UBR1: variants seen among roughly 807,000 people sequenced by gnomAD.
UBR1 encodes the protein E3 ubiquitin-protein ligase UBR1.
UBR1 carries 102 observed loss-of-function variants against 242.1 expected under a neutral mutation model. That is an observed-to-expected ratio of 0.42 (90% CI 0.36 to 0.50). UBR1 has a LOEUF of 0.50. Among genes scored for constraint, UBR1 ranks in the 20% least tolerant of loss-of-function variants. UBR1 has a pLI of 0.01. For missense variants in UBR1, 1,772 were observed against 2,101.8 expected (o/e 0.84, Z 3.07); for synonymous variants, 675 against 684.8 (o/e 0.99, Z 0.22).
chr15:43,059,610 ACT>A, intron 8 of UBR1, 90 bp downstream of exon 8: 2 of 1,420,166 alleles, frequency 1.4e-6, no homozygotes, highest in Non-Finnish European at 9.6e-7. Flanking sequence ...AAAAAGAAAA[ACT>A]TTATTTCATA....
intron 34 of UBR1, 36 bp downstream of exon 34, chr15:42,989,994 C>A (rs1282540988): frequency 6.8e-7 from 1 of 1,469,700 alleles, no homozygotes; most frequent in South Asian, 1.2e-5. Context: ...TTTTCACAAT[C>A]ATTTACAAAG....
rs2032187921 is a variant in UBR1 at position 42,970,562 on chromosome 15, G to C, written c.4415C>G (p.Ser1472Cys). ...AATTTCTGCAAAGAAAGAAGATGCG[G>C]AATGAGCCTCTTCACTGTCTTCTTG... ...QVQEDSEEAH[S>C]ASSFFAEISQ... is the part of the protein sequence containing the mutation. The change falls in exon 40 of 47, where the codon TCC becomes TGC. Residue 1472 changes from serine (S) to cysteine (C), a missense_variant. Ser to Cys is a moderately radical substitution (Grantham distance 112, BLOSUM62 -1). This residue lies in a region of UBR1 where 965 missense variants were observed against 1,079.7 expected (regional missense o/e 0.89). Transcript: ENST00000290650. 2 of 1,613,798 alleles carry C rather than the reference G, an allele frequency of 1.2e-6. No individual in the cohort carries two copies. The highest frequency in any genetic ancestry group is 1.7e-6 in the Non-Finnish European group (2 of 1,180,010).
Position 42,977,963 on chromosome 15 carries a change from A to T in UBR1, c.4151-16T>A, listed in dbSNP as rs752507146. 9 of 1,601,406 alleles carry T rather than the reference A, an allele frequency of 5.6e-6. No homozygotes were observed. Reference sequence around the variant, plus strand: ...GGAAGAACAACTAAAACAAACAAAAAGTTAATGTAATTCAGTCAGTAAGAT... The same window carrying T: ...GGAAGAACAACTAAAACAAACAAAATGTTAATGTAATTCAGTCAGTAAGAT... On this transcript the variant is annotated splice_polypyrimidine_tract_variant and intron_variant, in intron 37 of 46. Coordinates refer to ENST00000290650, the MANE Select transcript of UBR1 (RefSeq NM_174916.3).
intron 21 of UBR1, 57 bp from the exon 22 acceptor site, chr15:43,027,885 G>A (rs1464293087): frequency 7.4e-7 from 1 of 1,350,092 alleles, no homozygotes; most frequent in African/African-American, 1.4e-5. Flanking sequence ...CCACCTCTCT[G>A]TGAAGTGAAA....
At chr15:43,054,980 C>A in intron 11 of UBR1, 81 bp from the exon 12 acceptor site, 1 of 1,461,648 alleles carries the variant, frequency 6.8e-7, no homozygotes, top group Non-Finnish European at 9.5e-7. Flanking sequence ...TTTGGTTAGT[C>A]AGTATGTCAT....
chr15:43,003,850 C>T lies in UBR1; in HGVS notation c.3496G>A (p.Val1166Met), dbSNP rs772442007. The change falls in exon 31 of 47, where the codon GTG (valine) becomes ATG (methionine). Residue 1166 changes from valine (V) to methionine (M), a missense_variant. Physicochemically the swap from Val to Met is conservative, Grantham distance 21. Transcript: ENST00000290650. ...TGSCGHVMHA[V>M]CWQKYFEAVQ... ...AGGACAACTTACTTCTGCCAGCACACTGCGTGCATTACATGACCACAGCTT... is the reference window on the plus strand; with the variant it reads ...AGGACAACTTACTTCTGCCAGCACATTGCGTGCATTACATGACCACAGCTT... The T allele has an allele frequency of 3.7e-6, 6 of 1,614,116 alleles. No homozygotes were observed. Among genetic ancestry groups the T allele is most frequent in the Non-Finnish European group, 5.1e-6 (6 of 1,180,016 alleles).
intron 6 of UBR1, among the ~76,000 whole-genome samples, chr15:43,064,680 A>T (rs1596126599): frequency 6.6e-6 from 1 of 151,608 alleles, no homozygotes; most frequent in Non-Finnish European, 1.5e-5. Context: ...AGGTTCAAAC[A>T]ATTCTCCTGC....
At chr15:42,996,212 C>A (rs2032635789) in intron 33 of UBR1, among the ~76,000 whole-genome samples, 2 of 152,148 alleles carry the variant, frequency 1.3e-5, no homozygotes, top group African/African-American at 4.8e-5. Flanking sequence ...ACTATAAAAT[C>A]TGGCTGTTAA....
Position 43,008,715 on chromosome 15 carries a change from C to T in UBR1, c.3210-1431G>A, listed in dbSNP as rs1596098539. Among the ~76,000 whole-genome samples, 6 of 152,330 alleles carry T rather than the reference C, an allele frequency of 3.9e-5. No individual in the cohort carries two copies. The South Asian group carries it at 1.0e-3, about 26-fold the overall frequency. ...GCTTTCTCCGGGTCTGTCCATGAAC[C>T]AGTCAGCACACACTTTCTCTCTTCT... On this transcript the variant is annotated intron_variant, in intron 29 of 46. Coordinates refer to ENST00000290650, the MANE Select transcript of UBR1 (RefSeq NM_174916.3).
At chr15:42,971,529 TA>T (rs142654177) in intron 39 of UBR1, among the ~76,000 whole-genome samples, 1 of 152,230 alleles carries the variant, frequency 6.6e-6, no homozygotes, top group Non-Finnish European at 1.5e-5. Context: ...TCTGTTGTTT[TA>T]AAAATGCTTT....
chr15:42,956,657 G>A (rs1334323223), intron 44 of UBR1, among the ~76,000 whole-genome samples: 1 of 152,198 alleles, frequency 6.6e-6, no homozygotes, highest in Non-Finnish European at 1.5e-5. Context: ...CTGGAGCCTG[G>A]TGAAATGCTT....
chr15:43,040,263 T>C (rs922815987), intron 15 of UBR1, among the ~76,000 whole-genome samples: 1 of 152,146 alleles, frequency 6.6e-6, no homozygotes, highest in Non-Finnish European at 1.5e-5. Context: ...TATAGACCAA[T>C]GGGACTGAAC....
chr15:43,078,014 C>G (rs1261980606), intron 3 of UBR1, among the ~76,000 whole-genome samples: 3 of 152,120 alleles, frequency 2.0e-5, no homozygotes, highest in Non-Finnish European at 4.4e-5. Context: ...AAAGGAATTC[C>G]CATTGCCTAT....
At chr15:43,048,961 G>A (rs1422732861) in intron 12 of UBR1, among the ~76,000 whole-genome samples, 1 of 152,152 alleles carries the variant, frequency 6.6e-6, no homozygotes, top group Non-Finnish European at 1.5e-5. Flanking sequence ...TGCACATCAG[G>A]ATGTACTAGT....
At chr15:43,049,455 C>T (rs1257055166) in intron 12 of UBR1, among the ~76,000 whole-genome samples, 2 of 151,912 alleles carry the variant, frequency 1.3e-5, no homozygotes, top group East Asian at 1.9e-4. Context: ...CCCAGCTACT[C>T]GGGAGGCTGA....
chr15:43,001,202 A>C (rs1476198099), intron 32 of UBR1, among the ~76,000 whole-genome samples: 4 of 150,374 alleles, frequency 2.7e-5, no homozygotes, highest in Admixed American at 2.7e-4. Context: ...GCTGTAATGC[A>C]ATGGCTCAAT....
Position 43,015,812 on chromosome 15 carries a change from G to A in UBR1, c.3085C>T (p.His1029Tyr), listed in dbSNP as rs754217712. The A allele has an allele frequency of 3.1e-6, 5 of 1,614,050 alleles. No individual in the cohort carries two copies. The highest frequency in any genetic ancestry group is 4.5e-5 in the East Asian group (2 of 44,894). ...RKRKAEAARL[H>Y]RQKIMAQMSA... ...ATCTGAGCCATGATCTTCTGGCGAT[G>A]TAGCCTAGCAGCTTCAGCTTTTCTT... Residue 1029 changes from histidine to tyrosine, a missense_variant, in exon 29 of 47, where the codon CAT (histidine) becomes TAT (tyrosine). Around this residue, in one of 3 missense-constraint regions of UBR1, gnomAD observed 965 missense variants for 1,079.7 expected, o/e 0.89. Coordinates refer to ENST00000290650, the MANE Select transcript of UBR1 (RefSeq NM_174916.3).
In UBR1 at chr15:42,969,397, T is replaced by C. The variant is rs142435804; in HGVS notation, c.4457+1123A>G. 4.4e-3 allele frequency among the ~76,000 whole-genome samples: 676 copies of C among 152,320 alleles called. 9 individuals are homozygous for C. The highest frequency in any genetic ancestry group is 0.016 in the African/African-American group (648 of 41,584). On this transcript the variant is annotated intron_variant, in intron 40 of 46. Coordinates refer to ENST00000290650, the MANE Select transcript of UBR1 (RefSeq NM_174916.3). ...TTTCTTGTAAATTTGTTTAAGTTCT[T>C]TGTAGATTCTGGATATTAGCCCTTT...
chr15:43,073,344 T>G (rs2033847678), intron 4 of UBR1, among the ~76,000 whole-genome samples: 1 of 152,186 alleles, frequency 6.6e-6, no homozygotes, highest in South Asian at 2.1e-4. Flanking sequence ...TAAATACTGT[T>G]CCTCATCAAC....
Sources: allele counts gnomAD v4.1 joint callset (sites outside exome capture counted in the v4.1 genomes callset), GRCh38; gene constraint gnomAD v4.1.1; regional missense constraint gnomAD v4.1.1; transcripts MANE v1.5; gene names NCBI Gene and HGNC (gene_info 2026-07-23, HGNC 2026-07-21).